Variants in DCBLD2 observed in about 807,000 individuals in gnomAD.
The protein encoded by DCBLD2 is discoidin, CUB and LCCL domain containing 2.
A neutral mutation model predicts 86.8 loss-of-function variants in DCBLD2; 54 were observed. The ratio of observed to expected loss-of-function variants is 0.62; its 90% CI spans 0.50 to 0.78. DCBLD2 has a LOEUF of 0.78. Among genes scored for constraint, DCBLD2 ranks in the 30% least tolerant of loss-of-function variants. The pLI is 0.00. For missense variants in DCBLD2, 908 were observed against 954.2 expected (o/e 0.95, Z 0.64); for synonymous variants, 354 against 341.3 (o/e 1.04, Z -0.41).
intron 2 of DCBLD2, among the ~76,000 whole-genome samples, chr3:98,872,064 A>G (rs1374709030): frequency 2.0e-5 from 3 of 152,140 alleles, no homozygotes; most frequent in Non-Finnish European, 4.4e-5. Context: ...TAGACTTTCT[A>G]GTTTGTGTGC....
chr3:98,839,909 C>T (rs1413191692), intron 3 of DCBLD2, among the ~76,000 whole-genome samples: 1 of 152,130 alleles, frequency 6.6e-6, no homozygotes, highest in African/African-American at 2.4e-5. Flanking sequence ...TTAAGTAAAA[C>T]TCTTAAAATC....
intron 1 of DCBLD2, among the ~76,000 whole-genome samples, chr3:98,888,391 TG>T (rs1943597121): frequency 1.3e-5 from 2 of 152,004 alleles, no homozygotes; most frequent in South Asian, 4.1e-4. Context: ...TAGAATGCAA[TG>T]GTTATACACA....
intron 9 of DCBLD2, chr3:98,813,288 G>T (rs776887844): frequency 6.6e-6 from 1 of 152,100 alleles, no homozygotes; most frequent in Non-Finnish European, 1.5e-5. Context: ...AAGAGGTCTC[G>T]CTTTGTTGCC....
At chr3:98,884,387 G>A (rs373574113) in intron 1 of DCBLD2, among the ~76,000 whole-genome samples, 2 of 151,094 alleles carry the variant, frequency 1.3e-5, no homozygotes, top group African/African-American at 4.9e-5. Context: ...ATAAAATGTA[G>A]GATGTTACAC....
rs968367746 is a variant in DCBLD2 at position 98,799,059 on chromosome 3, T to C, written c.*313A>G. The C allele has an allele frequency of 4.3e-6, 1 of 229,942 alleles. No individual in the cohort carries two copies. The highest frequency in any genetic ancestry group is 8.6e-6 in the Non-Finnish European group (1 of 116,606). The allele number at this position is 229,942 out of a possible 1,614,324, so 14.2% of individuals were successfully genotyped here. ...CGAGTTCATTAATGTACCTGCAGCA[T>C]TGGTAATAAATACTCTGTGATTTTT... On this transcript the variant is annotated 3_prime_UTR_variant, in exon 16 of 16. Coordinates refer to ENST00000326840, the MANE Select transcript of DCBLD2 (RefSeq NM_080927.4).
At chr3:98,800,884 T>A (rs1323662888) in intron 14 of DCBLD2, 168 bp from the exon 15 acceptor site, 19 of 763,344 alleles carry the variant, frequency 2.5e-5, no homozygotes. Context: ...TGATAGACTA[T>A]CCAGCACCAA....
At chr3:98,805,646 T>TTTATGA in intron 13 of DCBLD2, among the ~76,000 whole-genome samples, 1 of 152,316 alleles carries the variant, frequency 6.6e-6, no homozygotes, top group East Asian at 1.9e-4. Context: ...AAAGCCACAC[T>TTTATGA]CATCAGTGAT....
intron 13 of DCBLD2, among the ~76,000 whole-genome samples, chr3:98,805,422 GACA>G (rs1375694662): frequency 6.6e-6 from 1 of 151,998 alleles, no homozygotes; most frequent in Non-Finnish European, 1.5e-5. Context: ...ATATTGCTAG[GACA>G]ACAAATTTAT....
At chr3:98,849,107 T>C (rs1942783312) in intron 3 of DCBLD2, among the ~76,000 whole-genome samples, 1 of 147,316 alleles carries the variant, frequency 6.8e-6, no homozygotes, top group Non-Finnish European at 1.5e-5. Flanking sequence ...AGGTGGAGAT[T>C]GCGGTGAGCC....
chr3:98,800,851 A>C, intron 14 of DCBLD2, 135 bp from the exon 15 acceptor site: 1 of 1,177,448 alleles, frequency 8.5e-7, no homozygotes, highest in Non-Finnish European at 1.2e-6. Flanking sequence ...TTTATAATCC[A>C]ACTTTTTTTT....
chr3:98,881,448 T>C (rs1283311361), intron 2 of DCBLD2, 92 bp downstream of exon 2: 2 of 1,188,776 alleles, frequency 1.7e-6, no homozygotes, highest in East Asian at 2.3e-5. Flanking sequence ...CATAGCACCT[T>C]ACACTGCATG....
intron 1 of DCBLD2, among the ~76,000 whole-genome samples, chr3:98,891,044 C>T (rs2107530205): frequency 6.6e-6 from 1 of 152,026 alleles, no homozygotes. Flanking sequence ...CAGACAAGAC[C>T]CCTGTCCTTA....
chr3:98,900,949 A>G, intron 1 of DCBLD2, 173 bp downstream of exon 1: 3 of 1,163,634 alleles, frequency 2.6e-6, no homozygotes, highest in South Asian at 1.6e-5. Flanking sequence ...CTTGGGGGAC[A>G]GACGGGCAAG....
intron 3 of DCBLD2, among the ~76,000 whole-genome samples, chr3:98,841,765 T>A (rs1020243681): frequency 9.9e-5 from 15 of 152,192 alleles, no homozygotes; most frequent in Admixed American, 6.5e-4. Flanking sequence ...CTATATTTAT[T>A]CTAACTCAAG....
rs1275093901 is a variant in DCBLD2, at chr3:98,836,779, A to C, written c.572-11413T>G. ...GTGGCTGGCCGGGCGGGGGGCCGAC[A>C]CCCCCACCTCCCTCCCGGACGGGGT... is the stretch of plus-strand genomic sequence containing the variant. On this transcript the variant is annotated intron_variant, in intron 3 of 15. Transcript: ENST00000326840. 1.1e-3 allele frequency among the ~76,000 whole-genome samples: 40 copies of C among 37,012 alleles called. 1 individual carries two copies. Among genetic ancestry groups the C allele is most frequent in the African/African-American group, 2.0e-3 (18 of 9,178 alleles). The allele number at this position is 37,012 out of a possible 152,430, so 24.3% of individuals were successfully genotyped here. A position where few individuals can be genotyped will look rare whatever the true frequency, so the allele number is the denominator to read the frequency against.
intron 8 of DCBLD2, 29 bp from the exon 9 acceptor site, chr3:98,817,922 T>C (rs374838508): frequency 8.3e-5 from 134 of 1,609,106 alleles, no homozygotes; most frequent in Non-Finnish European, 1.1e-4. Flanking sequence ...CTTTCATTAA[T>C]GCACATGGTC....
intron 2 of DCBLD2, among the ~76,000 whole-genome samples, chr3:98,859,894 G>A (rs1943008628): frequency 6.6e-6 from 1 of 152,208 alleles, no homozygotes; most frequent in South Asian, 2.1e-4. Context: ...GACGAGTTGA[G>A]AGAAGAAGGC....
intron 2 of DCBLD2, among the ~76,000 whole-genome samples, chr3:98,864,039 C>T (rs569784436): frequency 1.8e-4 from 28 of 152,276 alleles, no homozygotes; most frequent in Non-Finnish European, 3.7e-4. Flanking sequence ...AACAAGTGGG[C>T]GAACGATATG....
In DCBLD2 at chr3:98,808,148, G is replaced by A; in HGVS notation, c.1603C>T (p.Pro535Ser). 1 of 1,603,952 alleles carries A rather than the reference G, an allele frequency of 6.2e-7. No homozygotes were observed. Among genetic ancestry groups the A allele is most frequent in the Admixed American group, 1.7e-5 (1 of 58,418 alleles). Residue 535 changes from proline (P) to serine (S), a missense_variant, in exon 13 of 16, where the codon CCT (proline) becomes TCT (serine). Physicochemically the swap from Pro to Ser is moderately conservative, Grantham distance 74 (BLOSUM62 -1). Transcript: ENST00000326840. ...GTAGTGAGGACCATGACCAGCACAGGGACAAGAACTGCAGCCAGCGCTACA... is the reference window on the plus strand; with the variant it reads ...GTAGTGAGGACCATGACCAGCACAGAGACAAGAACTGCAGCCAGCGCTACA... ...KDVALAAVLVPVLVMVLTTLI... is the reference protein window; with the variant it reads ...KDVALAAVLVSVLVMVLTTLI...
Sources: gnomAD v4.1 joint callset for allele counts (sites outside exome capture counted in the v4.1 genomes callset) on GRCh38, gnomAD v4.1.1 for gene constraint, MANE v1.5 for transcripts, NCBI Gene and HGNC (gene_info 2026-07-23, HGNC 2026-07-21) for gene names.